Variants in NAALADL2 observed in about 807,000 individuals in gnomAD.
NAALADL2 encodes N-acetylated alpha-linked acidic dipeptidase like 2, also known as inactive N-acetylated-alpha-linked acidic dipeptidase-like protein 2.
NAALADL2 carries 76 observed loss-of-function variants against 87.2 expected under a neutral mutation model. The ratio of observed to expected loss-of-function variants is 0.87; its 90% CI spans 0.72 to 1.05. The LOEUF is 1.05. NAALADL2 is among the 50% of genes least tolerant of loss of function. The pLI is 0.00. For missense variants in NAALADL2, 1,089 were observed against 945.8 expected, an observed-to-expected ratio of 1.15 and a Z score of -1.99; for synonymous variants, 354 against 331.0, an observed-to-expected ratio of 1.07 and a Z score of -0.75.
chr3:175,510,715 A>T (rs929841333), intron 9 of NAALADL2, among the ~76,000 whole-genome samples: 8 of 152,156 alleles, frequency 5.3e-5, no homozygotes, highest in Non-Finnish European at 1.0e-4. Context: ...CAGGGACAAA[A>T]CTATGAAATC....
At position 175,635,531 on chromosome 3, in the gene NAALADL2, T is replaced by C. The variant is rs75062812; in HGVS notation, c.1896+8145T>C. ...GTTCTTTCATCACTTACAATTAGTGTGACAATTTTTTAAGGGCAGAAGAAA... is the reference window on the plus strand; with the variant it reads ...GTTCTTTCATCACTTACAATTAGTGCGACAATTTTTTAAGGGCAGAAGAAA... On this transcript the variant is annotated intron_variant, in intron 11 of 13. Transcript: ENST00000454872. 2.7e-3 allele frequency among the ~76,000 whole-genome samples: 406 copies of C among 152,268 alleles called. 2 individuals are homozygous for C. The highest frequency in any genetic ancestry group is 9.4e-3 in the African/African-American group (391 of 41,574).
chr3:175,589,810 A>C (rs999606716), intron 10 of NAALADL2, among the ~76,000 whole-genome samples: 14 of 150,728 alleles, frequency 9.3e-5, no homozygotes, highest in African/African-American at 1.5e-4. Context: ...AAAAAAACAA[A>C]AAACCAAAAA....
chr3:174,544,099 A>T (rs1428883270), intron 1 of NAALADL2, among the ~76,000 whole-genome samples: 1 of 151,716 alleles, frequency 6.6e-6, no homozygotes, highest in Non-Finnish European at 1.5e-5. Context: ...CATTCTTCCC[A>T]CCCCAATCCA....
At chr3:174,515,836 A>G (rs2071722862) in intron 1 of NAALADL2, among the ~76,000 whole-genome samples, 1 of 152,084 alleles carries the variant, frequency 6.6e-6, no homozygotes, top group Non-Finnish European at 1.5e-5. Flanking sequence ...TACAGTGCCT[A>G]GAAAAAGGAA....
At position 174,482,848 on chromosome 3, in the gene NAALADL2, G is replaced by A. The variant is rs80237829; in HGVS notation, c.-184+41816G>A. ...ATATATGGAACACATGTTCATGCTC[G>A]CCTTCAGATTAATGGCTGTAGCATT... is the stretch of plus-strand genomic sequence containing the variant. On this transcript the variant is annotated intron_variant, in intron 1 of 3. Transcript: ENST00000434257. Among the ~76,000 whole-genome samples, 279 of 152,132 alleles carry A rather than the reference G, an allele frequency of 1.8e-3. 1 individual carries two copies. The highest frequency in any genetic ancestry group is 6.5e-3 in the African/African-American group (272 of 41,542).
intron 3 of NAALADL2, among the ~76,000 whole-genome samples, chr3:174,844,201 G>A (rs962019708): frequency 9.2e-5 from 14 of 152,194 alleles, no homozygotes; most frequent in African/African-American, 3.4e-4. Flanking sequence ...GTATATGGTG[G>A]GAAGAAGGGT....
intron 9 of NAALADL2, among the ~76,000 whole-genome samples, chr3:175,540,773 A>G (rs942555471): frequency 3.9e-5 from 6 of 152,234 alleles, no homozygotes; most frequent in African/African-American, 1.2e-4. Flanking sequence ...TGGACTGAGA[A>G]ACAGGATAAG....
intron 4 of NAALADL2, among the ~76,000 whole-genome samples, chr3:175,269,465 T>C (rs1752470087): frequency 1.3e-5 from 2 of 152,220 alleles, no homozygotes; most frequent in Non-Finnish European, 2.9e-5. Context: ...CACTCTGATG[T>C]CACTTGCTGA....
intron 1 of NAALADL2, among the ~76,000 whole-genome samples, chr3:174,877,006 TTTC>T (rs1728590651): frequency 1.3e-5 from 2 of 152,114 alleles, no homozygotes; most frequent in Admixed American, 6.6e-5. Context: ...AGCACTGGGC[TTTC>T]TTCTTCTTTT....
At chr3:174,729,595 A>T (rs1732515242) in intron 2 of NAALADL2, among the ~76,000 whole-genome samples, 1 of 152,008 alleles carries the variant, frequency 6.6e-6, no homozygotes, top group Non-Finnish European at 1.5e-5. Flanking sequence ...TCATGCTAGG[A>T]CATTGTTGGG....
At chr3:175,512,696 A>ATT (rs975922440) in intron 9 of NAALADL2, among the ~76,000 whole-genome samples, 4 of 152,076 alleles carry the variant, frequency 2.6e-5, no homozygotes, top group Non-Finnish European at 4.4e-5. Context: ...CTACTATACA[A>ATT]TTTTCTTGAG....
chr3:174,923,779 T>C (rs1735579141), intron 1 of NAALADL2, among the ~76,000 whole-genome samples: 1 of 152,180 alleles, frequency 6.6e-6, no homozygotes, highest in Non-Finnish European at 1.5e-5. Context: ...AAAATTCAAA[T>C]ACCTTGGTAC....
Position 175,303,530 on chromosome 3 carries a change from C to T in NAALADL2, c.940-20645C>T, listed in dbSNP as rs80036159. ...ACTTTCTTACTCCTAAAATGTATAG[C>T]TACATCTGACATGAGTCTCCATATT... On this transcript the variant is annotated intron_variant, in intron 4 of 13. Coordinates refer to ENST00000454872, the MANE Select transcript of NAALADL2 (RefSeq NM_207015.3). Among the ~76,000 whole-genome samples the T allele has an allele frequency of 6.1e-3, 926 of 152,202 alleles. 20 individuals are homozygous for T. Among genetic ancestry groups the T allele is most frequent in the East Asian group, 0.038 (197 of 5,180 alleles).
At chr3:174,542,484 A>T (rs1306759318) in intron 1 of NAALADL2, among the ~76,000 whole-genome samples, 1 of 152,160 alleles carries the variant, frequency 6.6e-6, no homozygotes, top group Non-Finnish European at 1.5e-5. Flanking sequence ...TGGTGCCAGC[A>T]TCTTCTTTAT....
intron 3 of NAALADL2, among the ~76,000 whole-genome samples, chr3:174,750,576 G>T (rs1305929619): frequency 6.6e-6 from 1 of 151,996 alleles, no homozygotes; most frequent in African/African-American, 2.4e-5. Context: ...TGGGATTAAA[G>T]GTGTGCGCCA....
intron 11 of NAALADL2, among the ~76,000 whole-genome samples, chr3:175,719,637 T>A (rs1298954250): frequency 6.6e-6 from 1 of 152,210 alleles, no homozygotes; most frequent in Non-Finnish European, 1.5e-5. Context: ...ACTTAAACTC[T>A]GGTTTCCCAT....
intron 6 of NAALADL2, 77 bp downstream of exon 6, chr3:175,447,449 TG>T (rs1720887755): frequency 2.0e-6 from 2 of 998,454 alleles, no homozygotes; most frequent in Non-Finnish European, 2.8e-6. Flanking sequence ...CCTAAATTGA[TG>T]TATGTAGGAT....
At chr3:175,150,065 T>C (rs546059270) in intron 2 of NAALADL2, among the ~76,000 whole-genome samples, 1 of 152,346 alleles carries the variant, frequency 6.6e-6, no homozygotes, top group African/African-American at 2.4e-5. Flanking sequence ...GCAATCATTT[T>C]ATACTTCCCT....
At chr3:174,544,384 T>C (rs1450608361) in intron 1 of NAALADL2, among the ~76,000 whole-genome samples, 1 of 152,166 alleles carries the variant, frequency 6.6e-6, no homozygotes, top group African/African-American at 2.4e-5. Context: ...ATGTGAATAT[T>C]GTTTGAACCA....
Sources: allele counts gnomAD v4.1 joint callset (sites outside exome capture counted in the v4.1 genomes callset), GRCh38; gene constraint gnomAD v4.1.1; transcripts MANE v1.5; gene names NCBI Gene and HGNC (gene_info 2026-07-23, HGNC 2026-07-21).